The following CASZ1 variants were observed in gnomAD, a reference collection of about 807,000 sequenced individuals.
CASZ1 encodes the protein castor zinc finger 1, also known as zinc finger protein castor homolog 1.
A neutral mutation model predicts 135.2 loss-of-function variants in CASZ1; 28 were observed. That is an observed-to-expected ratio of 0.21 (90% CI 0.15 to 0.28). The LOEUF is 0.28. CASZ1 is among the 10% of genes least tolerant of loss of function. CASZ1 has a pLI of 1.00. For synonymous variants in CASZ1, 1,068 were observed against 1,073.4 expected, an observed-to-expected ratio of 0.99 and a Z score of 0.10; for missense variants, 2,161 against 2,453.3, an observed-to-expected ratio of 0.88 and a Z score of 2.52.
Position 10,649,454 on chromosome 1 carries a change from C to A in CASZ1, c.2881-17G>T, listed in dbSNP as rs1452759411. Reference sequence around the variant, plus strand: ...CTGAGACATCTGTGAGGGACAGAGGCCGAGCATGGGGCTGGGGTAGCTTAG... The same window carrying A: ...CTGAGACATCTGTGAGGGACAGAGGACGAGCATGGGGCTGGGGTAGCTTAG... On this transcript the variant is annotated splice_polypyrimidine_tract_variant and intron_variant, in intron 13 of 20. Coordinates refer to ENST00000377022, the MANE Select transcript of CASZ1 (RefSeq NM_001079843.3). 4 of 1,597,074 alleles carry A rather than the reference C, an allele frequency of 2.5e-6. No individual in the cohort carries two copies. The highest frequency in any genetic ancestry group is 1.7e-5 in the Admixed American group (1 of 59,280).
intron 2 of CASZ1, among the ~76,000 whole-genome samples, chr1:10,714,012 A>G (rs1045323217): frequency 2.6e-5 from 4 of 152,232 alleles, no homozygotes; most frequent in African/African-American, 9.6e-5. Context: ...ATGAAGGTTA[A>G]GAAACAAGCT....
intron 13 of CASZ1, 100 bp downstream of exon 13, chr1:10,650,592 G>C (rs981045162): frequency 9.1e-5 from 89 of 974,816 alleles, no homozygotes; most frequent in Non-Finnish European, 1.1e-4. Flanking sequence ...CATCTTATTA[G>C]AGGCAAAACA....
At chr1:10,670,455 C>T (rs1363300901) in intron 4 of CASZ1, among the ~76,000 whole-genome samples, 1 of 152,226 alleles carries the variant, frequency 6.6e-6, no homozygotes, top group Non-Finnish European at 1.5e-5. Flanking sequence ...GGGGCTTCCA[C>T]CCTGCCATTT....
chr1:10,691,309 T>C (rs1014848450), intron 4 of CASZ1, among the ~76,000 whole-genome samples: 1 of 152,210 alleles, frequency 6.6e-6, no homozygotes, highest in Non-Finnish European at 1.5e-5. Context: ...TCCAGATTGA[T>C]CCAGCCCTTG....
chr1:10,638,954 G>A lies in CASZ1; in HGVS notation c.5268C>T (p.Ala1756=). The A allele has an allele frequency of 1.0e-6, 1 of 980,888 alleles. No individual in the cohort carries two copies. Among genetic ancestry groups the A allele is most frequent in the South Asian group, 4.6e-5 (1 of 21,938 alleles). 60.8% of individuals were successfully genotyped at this position (980,888 alleles called of 1,614,324 possible). The change falls in exon 21 of 21, where the codon GCC becomes GCT. Residue 1756 remains alanine (A), a synonymous_variant. Transcript: ENST00000377022. The surrounding 1 kb of genome is among the most constrained non-coding windows in gnomAD (Gnocchi z 5.9). The part of the protein sequence containing the change: ...LGAPGPAPTA[A]SSP ...CCCGCGGGCGCCGCTAGGGCGAGGA[G>A]GCTGCAGTGGGCGCGGGGCCGGGGG...
rs1197979796 is a variant in CASZ1, at chr1:10,767,305, C to T, written c.-233-6448G>A. On this transcript the variant is annotated intron_variant, in intron 1 of 20. Transcript: ENST00000377022. The surrounding 1 kb of genome is among the most constrained non-coding windows in gnomAD (Gnocchi z 4.2). ...CAGGCATCTCCAGAATCAGGAAGTC[C>T]CTGGAGGGCAGGCAGCAGAGCTGGG... 2.0e-5 allele frequency among the ~76,000 whole-genome samples: 3 copies of T among 152,214 alleles called. No individual in the cohort carries two copies. Among genetic ancestry groups the T allele is most frequent in the African/African-American group, 4.8e-5 (2 of 41,458 alleles).
chr1:10,705,823 C>T (rs1639158631), intron 2 of CASZ1, among the ~76,000 whole-genome samples: 1 of 152,246 alleles, frequency 6.6e-6, no homozygotes, highest in African/African-American at 2.4e-5. Flanking sequence ...CCTAGCCAGG[C>T]GGAGAAGAGT....
At chr1:10,673,675 G>A (rs1451878185) in intron 4 of CASZ1, among the ~76,000 whole-genome samples, 5 of 152,184 alleles carry the variant, frequency 3.3e-5, no homozygotes, top group Admixed American at 6.5e-5. Context: ...TCAGCGATTC[G>A]TGGCCCATGC....
At chr1:10,702,966 GAGA>G (rs1352695921) in intron 3 of CASZ1, among the ~76,000 whole-genome samples, 3 of 149,664 alleles carry the variant, frequency 2.0e-5, no homozygotes, top group African/African-American at 7.4e-5. Flanking sequence ...GAGAGGCAGA[GAGA>G]GAGAGAGAGA....
chr1:10,782,603 C>G (rs1422555519), intron 1 of CASZ1, among the ~76,000 whole-genome samples: 1 of 152,040 alleles, frequency 6.6e-6, no homozygotes, highest in Non-Finnish European at 1.5e-5. Context: ...GGTGGGTCAC[C>G]CGGGACAGAC....
At chr1:10,745,245 C>T (rs1640017319) in intron 2 of CASZ1, among the ~76,000 whole-genome samples, 2 of 152,064 alleles carry the variant, frequency 1.3e-5, no homozygotes, top group Admixed American at 6.6e-5. Context: ...TCTCGGGTGG[C>T]CTTAATTAGG....
At chr1:10,718,342 G>A (rs1639433055) in intron 2 of CASZ1, among the ~76,000 whole-genome samples, 1 of 152,246 alleles carries the variant, frequency 6.6e-6, no homozygotes, top group African/African-American at 2.4e-5. Context: ...CAGCCTGTTG[G>A]TTGAGGAATC....
chr1:10,753,686 C>G (rs1161050864), intron 2 of CASZ1, among the ~76,000 whole-genome samples: 1 of 152,192 alleles, frequency 6.6e-6, no homozygotes, highest in Non-Finnish European at 1.5e-5. Flanking sequence ...GAGGCCCAGG[C>G]TAGAGCAGGG....
At chr1:10,773,966 G>GA (rs1400374300) in intron 1 of CASZ1, among the ~76,000 whole-genome samples, 1 of 152,214 alleles carries the variant, frequency 6.6e-6, no homozygotes, top group East Asian at 1.9e-4. Context: ...AGTAGACAAA[G>GA]AAGTGTCTGA....
At chr1:10,702,771 G>A (rs1376789190) in intron 3 of CASZ1, among the ~76,000 whole-genome samples, 1 of 152,230 alleles carries the variant, frequency 6.6e-6, no homozygotes, top group Non-Finnish European at 1.5e-5. Context: ...AGATGTCAAT[G>A]GGGCCGATGG....
At chr1:10,682,703 C>T (rs1638464922) in intron 4 of CASZ1, among the ~76,000 whole-genome samples, 2 of 152,202 alleles carry the variant, frequency 1.3e-5, no homozygotes, top group African/African-American at 4.8e-5. Context: ...CCCCCAGGGA[C>T]CAGGAAATAG....
rs1640271198 is a variant in CASZ1, at chr1:10,756,976, C to T, written c.-77+3725G>A. ...CCAATCTCAGACCCAGCACAGAACC[C>T]AGGGAGCAAACACACAAAGCTGGCT... On this transcript the variant is annotated intron_variant, in intron 2 of 20. Coordinates refer to ENST00000377022, the MANE Select transcript of CASZ1 (RefSeq NM_001079843.3). The surrounding 1 kb of genome is among the most constrained non-coding windows in gnomAD (Gnocchi z 5.9). 6.6e-6 allele frequency among the ~76,000 whole-genome samples: 1 copy of T among 152,226 alleles called. No homozygotes were observed. The highest frequency in any genetic ancestry group is 1.9e-4 in the East Asian group (1 of 5,196).
At chr1:10,782,747 A>G (rs1570588981) in intron 1 of CASZ1, among the ~76,000 whole-genome samples, 1 of 137,288 alleles carries the variant, frequency 7.3e-6, no homozygotes, top group Non-Finnish European at 1.6e-5. Context: ...CGGGAAGGGG[A>G]GTGGGCCTGG....
chr1:10,644,787 C>T, intron 18 of CASZ1, 130 bp downstream of exon 18: 2 of 916,190 alleles, frequency 2.2e-6, no homozygotes, highest in Non-Finnish European at 1.7e-6. Flanking sequence ...ATATCTGGGA[C>T]ACCTTTAACA....
Sources: gnomAD v4.1 joint callset for allele counts (sites outside exome capture counted in the v4.1 genomes callset) on GRCh38, gnomAD v4.1.1 for gene constraint, Gnocchi (gnomAD v3.1) non-coding constraint, MANE v1.5 for transcripts, NCBI Gene and HGNC (gene_info 2026-07-23, HGNC 2026-07-21) for gene names.